Variants in USH2A observed in about 807,000 individuals in gnomAD.
USH2A encodes Usher syndrome 2A (autosomal recessive, mild).
USH2A carries 443 observed loss-of-function variants against 538.9 expected under a neutral mutation model. That is an observed-to-expected ratio of 0.82 (90% CI 0.76 to 0.89). The LOEUF (loss-of-function observed/expected upper bound fraction) is 0.89. Among genes scored for constraint, USH2A ranks in the 40% least tolerant of loss-of-function variants. The pLI is 0.00. For missense variants in USH2A, 6,633 were observed against 6,324.8 expected (o/e 1.05, Z -1.65); for synonymous variants, 2,413 against 2,273.5 (o/e 1.06, Z -1.75).
At chr1:216,027,473 C>T (rs777345182) in intron 32 of USH2A, among the ~76,000 whole-genome samples, 1 of 152,276 alleles carries the variant, frequency 6.6e-6, no homozygotes. Flanking sequence ...AATATACCTA[C>T]CATTCCTGTG....
In USH2A at chr1:216,199,366, C is replaced by A. The variant is rs141074151; in HGVS notation, c.3811+261G>T. Among the ~76,000 whole-genome samples, 5 of 152,146 alleles carry A rather than the reference C, an allele frequency of 3.3e-5. No individual in the cohort carries two copies. In the East Asian group the frequency reaches 9.7e-4, roughly 29 times the overall value. ...ATTATAAACATCATTTGTGTTATGG[C>A]AGATGTCATTAAGAGCAAAGATAAT... is the stretch of plus-strand genomic sequence containing the variant. On this transcript the variant is annotated intron_variant, in intron 17 of 71. Transcript: ENST00000307340.
chr1:216,341,756 T>G (rs2038080499), intron 4 of USH2A, among the ~76,000 whole-genome samples: 1 of 152,186 alleles, frequency 6.6e-6, no homozygotes, highest in African/African-American at 2.4e-5. Context: ...AAAGATTCCC[T>G]ATTTTATAAA....
In USH2A at chr1:216,077,328, A is replaced by G. The variant is rs116207023; in HGVS notation, c.5572+761T>C. ...CTTATAGTTATTAATAATCTACAAT[A>G]TATAGATTTTCACAAGTATGTTTGG... On this transcript the variant is annotated intron_variant, in intron 27 of 71. Transcript: ENST00000307340. Among the ~76,000 whole-genome samples the G allele has an allele frequency of 3.9e-3, 590 of 152,210 alleles. 3 individuals carry two copies. Among genetic ancestry groups the G allele is most frequent in the African/African-American group, 0.014 (567 of 41,556 alleles).
chr1:215,817,389 G>A (rs900598675), intron 47 of USH2A, among the ~76,000 whole-genome samples, 194 bp from the exon 48 acceptor site: 6 of 151,786 alleles, frequency 4.0e-5, no homozygotes, highest in African/African-American at 9.7e-5. Flanking sequence ...GGCGTGAGGT[G>A]GTTTATTACT....
chr1:215,814,280 A>C (rs999163659), intron 48 of USH2A, among the ~76,000 whole-genome samples: 17 of 147,264 alleles, frequency 1.2e-4, no homozygotes, highest in African/African-American at 4.2e-4. Context: ...GTATATATAC[A>C]TAAGATATAG....
intron 16 of USH2A, among the ~76,000 whole-genome samples, chr1:216,206,417 T>G (rs1017266198): frequency 6.6e-6 from 1 of 152,108 alleles, no homozygotes; most frequent in Admixed American, 6.6e-5. Context: ...TATTATTAGA[T>G]TATCATAAGG....
chr1:216,285,531 G>C lies in USH2A; in HGVS notation c.1971+3749C>G, dbSNP rs561771961. On this transcript the variant is annotated intron_variant, in intron 11 of 71. Coordinates refer to ENST00000307340, the MANE Select transcript of USH2A (RefSeq NM_206933.4). Reference sequence around the variant, plus strand: ...GTACCTCTGCTAAGGTAGTGTGGAAGGGAAATGTGGGGTCAGACCCCCCAC... The same window carrying C: ...GTACCTCTGCTAAGGTAGTGTGGAACGGAAATGTGGGGTCAGACCCCCCAC... Among the ~76,000 whole-genome samples, 11 of 152,354 alleles carry C rather than the reference G, an allele frequency of 7.2e-5. No homozygotes were observed. The South Asian group carries it at 2.3e-3, about 32-fold the overall frequency.
At chr1:215,651,481 G>A (rs932299413) in intron 64 of USH2A, among the ~76,000 whole-genome samples, 12 of 152,126 alleles carry the variant, frequency 7.9e-5, no homozygotes, top group Admixed American at 5.9e-4. Flanking sequence ...GACTGTCTGC[G>A]TGTTTAGGAG....
In USH2A at chr1:216,175,127, C is replaced by T. The variant is rs2034349285; in HGVS notation, c.4627+125G>A. 1.2e-5 allele frequency: 19 copies of T among 1,520,912 alleles called. 1 individual carries two copies. In the South Asian group the frequency reaches 2.1e-4, roughly 17 times the overall value. The allele number at this position is 1,520,912 out of a possible 1,614,324, so 94.2% of individuals were successfully genotyped here. ...GCTGAAACAATCAGGCAAAAGCTAT[C>T]AAAGGGCTGAATTAGTATTTCTCTA... On this transcript the variant is annotated intron_variant, in intron 21 of 71. Transcript: ENST00000307340.
intron 58 of USH2A, among the ~76,000 whole-genome samples, chr1:215,749,193 T>G (rs898430557): frequency 6.6e-6 from 1 of 152,170 alleles, no homozygotes; most frequent in Non-Finnish European, 1.5e-5. Context: ...ATGTCTTCAG[T>G]CTGTACCTAC....
At chr1:216,050,604 C>CTTTCTTTCTTTCTTT (rs1195871302) in intron 30 of USH2A, among the ~76,000 whole-genome samples, 1 of 68,600 alleles carries the variant, frequency 1.5e-5, no homozygotes, top group Non-Finnish European at 2.9e-5. Flanking sequence ...TTCTTTCTTT[C>CTTTCTTTCTTTCTTT]TTTTTTTTTT....
intron 18 of USH2A, 150 bp downstream of exon 18, chr1:216,198,165 C>T: frequency 8.6e-7 from 1 of 1,168,588 alleles, no homozygotes. Flanking sequence ...GTTTATGTAA[C>T]AAATCCATAT....
chr1:215,730,982 T>G (rs1455653044), intron 60 of USH2A, among the ~76,000 whole-genome samples: 1 of 152,174 alleles, frequency 6.6e-6, no homozygotes, highest in African/African-American at 2.4e-5. Flanking sequence ...AAAAAGTTGT[T>G]TGCTAGGAAC....
intron 35 of USH2A, among the ~76,000 whole-genome samples, chr1:215,991,681 A>G (rs1668007810): frequency 6.6e-6 from 1 of 152,210 alleles, no homozygotes; most frequent in Non-Finnish European, 1.5e-5. Flanking sequence ...ATACGCAAAT[A>G]CACAAAACAT....
chr1:216,194,089 C>T (rs1413559321), intron 19 of USH2A: 1 of 152,122 alleles, frequency 6.6e-6, no homozygotes, highest in Admixed American at 6.6e-5. Flanking sequence ...GTACTCAGTC[C>T]TCTACCAAGA....
At chr1:216,210,445 CCCT>C (rs1208901160) in intron 15 of USH2A, among the ~76,000 whole-genome samples, 2 of 152,032 alleles carry the variant, frequency 1.3e-5, no homozygotes, top group Non-Finnish European at 2.9e-5. Context: ...ACCAATCATG[CCCT>C]CCTCCTCCCT....
chr1:216,098,939 CAGTT>C (rs1284785458), intron 21 of USH2A, among the ~76,000 whole-genome samples: 1 of 152,056 alleles, frequency 6.6e-6, no homozygotes, highest in East Asian at 1.9e-4. Context: ...GTGAGGGAGA[CAGTT>C]AGATAAATCT....
rs761298123 is a variant in USH2A at position 215,786,761 on chromosome 1, G to A, written c.10296C>T (p.His3432=). 7 of 1,614,010 alleles carry A rather than the reference G, an allele frequency of 4.3e-6. No individual in the cohort carries two copies. The highest frequency in any genetic ancestry group is 1.1e-5 in the South Asian group (1 of 91,082). The change falls in exon 52 of 72, where the codon CAC becomes CAT. Residue 3432 remains histidine (H), a synonymous_variant. Transcript: ENST00000307340. ...CAATTGATGCCTTCCCTGTGGAATT[G>A]TGAGACCCTCTTATCACAGTGCAAA... ...SHICTVIRGS[H]NSTGKASIEE...
chr1:216,119,527 T>C (rs950955887), intron 21 of USH2A, among the ~76,000 whole-genome samples: 5 of 152,058 alleles, frequency 3.3e-5, no homozygotes, highest in African/African-American at 1.2e-4. Context: ...AGGAACTCTA[T>C]GTTGTTTTAA....
Sources: allele counts gnomAD v4.1 joint callset (sites outside exome capture counted in the v4.1 genomes callset), GRCh38; gene constraint gnomAD v4.1.1; transcripts MANE v1.5; gene names NCBI Gene and HGNC (gene_info 2026-07-23, HGNC 2026-07-21).